SLC13A2: variants seen among roughly 807,000 people sequenced by gnomAD.
The protein encoded by SLC13A2 is Na(+)-coupled citrate transporter.
A neutral mutation model predicts 58.5 loss-of-function variants in SLC13A2; 40 were observed. That is an observed-to-expected ratio of 0.68 (90% CI 0.53 to 0.89). The LOEUF is 0.89. SLC13A2 is among the 40% of genes least tolerant of loss of function. The pLI is 0.00. For missense variants in SLC13A2, 694 were observed against 772.6 expected (o/e 0.90, Z 1.21); for synonymous variants, 341 against 331.6 (o/e 1.03, Z -0.31).
At chr17:28,474,356 G>A (rs782266265) in intron 1 of SLC13A2, among the ~76,000 whole-genome samples, 22 of 152,162 alleles carry the variant, frequency 1.4e-4, no homozygotes, top group Non-Finnish European at 2.8e-4. Flanking sequence ...AGAGGGGACC[G>A]CTGCAGGTAG....
At chr17:28,483,193 G>A (rs376980198) in intron 1 of SLC13A2, among the ~76,000 whole-genome samples, 3 of 152,316 alleles carry the variant, frequency 2.0e-5, no homozygotes. Flanking sequence ...ACACACCCCG[G>A]GTCCGGAGTC....
intron 1 of SLC13A2, among the ~76,000 whole-genome samples, chr17:28,477,512 GA>G (rs1197975129): frequency 2.0e-5 from 3 of 151,962 alleles, no homozygotes; most frequent in African/African-American, 7.2e-5. Flanking sequence ...CTTTTTGAAT[GA>G]AGAAAGGAAG....
At position 28,483,564 on chromosome 17, in the gene SLC13A2, G is replaced by A. The variant is rs191078692; in HGVS notation, c.103-5650G>A. ...AGGCAGGAGGATTACTTGAGGCCAG[G>A]AGATCGAGGCTGCAGTGAGCTGTGA... is the stretch of plus-strand genomic sequence containing the variant. On this transcript the variant is annotated intron_variant, in intron 1 of 11. Transcript: ENST00000314669. Among the ~76,000 whole-genome samples, 43 of 152,338 alleles carry A rather than the reference G, an allele frequency of 2.8e-4. No homozygotes were observed. In the South Asian group the frequency reaches 4.3e-3, roughly 15 times the overall value.
chr17:28,473,665 C>T lies in SLC13A2; in HGVS notation c.-48C>T, dbSNP rs782207375. On this transcript the variant is annotated 5_prime_UTR_variant, in exon 1 of 12. Transcript: ENST00000314669. The stretch of plus-strand genomic sequence containing the variant: ...GGCTGCATCTTTGGTCCTTCTGTTA[C>T]CCAGCTCCTGGAGGCAGTGGCTGTA... 1.4e-6 allele frequency: 2 copies of T among 1,460,126 alleles called. No individual in the cohort carries two copies. The highest frequency in any genetic ancestry group is 1.9e-6 in the Non-Finnish European group (2 of 1,046,414). 90.4% of individuals were successfully genotyped at this position (1,460,126 alleles called of 1,614,324 possible). A position where few individuals can be genotyped will look rare whatever the true frequency, so the allele number is the denominator to read the frequency against.
At position 28,489,228 on chromosome 17, in the gene SLC13A2, G is replaced by A. The variant is rs181965873; in HGVS notation, c.117G>A (p.Ala39=). 3.8e-5 allele frequency: 62 copies of A among 1,613,722 alleles called. No individual in the cohort carries two copies. The highest frequency in any genetic ancestry group is 4.0e-5 in the African/African-American group (3 of 75,036). ...CCCACCTGCAGGAGGCCTACTGCGC[G>A]TATGCCATCATCCTCATGGCGCTCT... ...ILVPSKEAYC[A]YAIILMALFW... The change falls in exon 2 of 12, where the codon GCG becomes GCA. Residue 39 remains alanine, a synonymous_variant. Transcript: ENST00000314669.
rs73276458 is a variant in SLC13A2, at chr17:28,495,212, A to G, written c.1309-443A>G. Among the ~76,000 whole-genome samples, 379 of 152,226 alleles carry G rather than the reference A, an allele frequency of 2.5e-3. 3 individuals are homozygous for G. The highest frequency in any genetic ancestry group is 8.5e-3 in the African/African-American group (355 of 41,546). On this transcript the variant is annotated intron_variant, in intron 9 of 11. Transcript: ENST00000314669. ...CCCTGTGGACTGTCCCTGTCCTCCCATTAGCCTCTTGCAGCCTCTGTCAGG... is the reference window on the plus strand; with the variant it reads ...CCCTGTGGACTGTCCCTGTCCTCCCGTTAGCCTCTTGCAGCCTCTGTCAGG...
In SLC13A2 at chr17:28,494,159, G is replaced by A; in HGVS notation, c.1186+54G>A. 2 of 1,545,310 alleles carry A rather than the reference G, an allele frequency of 1.3e-6. No homozygotes were observed. The highest frequency in any genetic ancestry group is 2.2e-5 in the South Asian group (2 of 89,450). On this transcript the variant is annotated intron_variant, in intron 8 of 11. Transcript: ENST00000314669. The surrounding 1 kb of genome is among the most constrained non-coding windows in gnomAD (Gnocchi z 4.0). ...GTCTCCGGGCAGCCCCTGCCTTCAA[G>A]TATGTAATGTACCTTCCACCACACT...
At position 28,497,258 on chromosome 17, in the gene SLC13A2, C is replaced by T; in HGVS notation, c.1768C>T (p.Pro590Ser). 6.2e-7 allele frequency: 1 copy of T among 1,613,864 alleles called. No individual in the cohort carries two copies. Among genetic ancestry groups the T allele is most frequent in the Admixed American group, 1.7e-5 (1 of 60,014 alleles). Residue 590 changes from proline (P) to serine (S), a missense_variant, in exon 12 of 12, where the codon CCA becomes TCA. Physicochemically the swap from Pro to Ser is moderately conservative, Grantham distance 74. Transcript: ENST00000314669. Reference sequence around the variant, plus strand: ...GCCAAGCCTGGCCAACACCACCACACCAAGCCCCTAGGCTGGGGCACAGCC... The same window carrying T: ...GCCAAGCCTGGCCAACACCACCACATCAAGCCCCTAGGCTGGGGCACAGCC... ...CLPSLANTTTPSP is the reference protein window; with the variant it reads ...CLPSLANTTTSSP
intron 9 of SLC13A2, among the ~76,000 whole-genome samples, chr17:28,495,430 C>T (rs2069120239): frequency 6.6e-6 from 1 of 152,174 alleles, no homozygotes; most frequent in Non-Finnish European, 1.5e-5. Context: ...CCTTTGGCCC[C>T]CTCCTAATTT....
rs1272939462 is a variant in SLC13A2, at chr17:28,497,206, A to G, written c.1716A>G (p.Ala572=). The change falls in exon 12 of 12, where the codon GCA becomes GCG. Residue 572 remains alanine, a synonymous_variant. Coordinates refer to ENST00000314669, the MANE Select transcript of SLC13A2 (RefSeq NM_003984.4). Reference sequence around the variant, plus strand: ...GCCTGCACTCTTTCCCCTCCTGGGCACAGTCCAACACCACAGCCCAGTGCC... The same window carrying G: ...GCCTGCACTCTTTCCCCTCCTGGGCGCAGTCCAACACCACAGCCCAGTGCC... ...LFSLHSFPSW[A]QSNTTAQCLP... 14 of 1,613,954 alleles carry G rather than the reference A, an allele frequency of 8.7e-6. No individual in the cohort carries two copies. The highest frequency in any genetic ancestry group is 1.2e-5 in the Non-Finnish European group (14 of 1,180,004).
chr17:28,486,791 CTTT>C (rs35840529), intron 1 of SLC13A2, among the ~76,000 whole-genome samples: 4,215 of 131,118 alleles, frequency 0.032, 219 homozygotes, highest in African/African-American at 0.11. Flanking sequence ...GCGAGTCTGA[CTTT>C]TTTTTTTTTT....
At chr17:28,475,421 A>G (rs1486777966) in intron 1 of SLC13A2, among the ~76,000 whole-genome samples, 6 of 152,220 alleles carry the variant, frequency 3.9e-5, no homozygotes, top group African/African-American at 1.2e-4. Context: ...TCACTCTCCT[A>G]CAAGATAAAT....
At chr17:28,484,673 A>C (rs1408392166) in intron 1 of SLC13A2, among the ~76,000 whole-genome samples, 1 of 152,184 alleles carries the variant, frequency 6.6e-6, no homozygotes, top group Non-Finnish European at 1.5e-5. Flanking sequence ...CAGGGTCAAG[A>C]GAGGAAGCTG....
At chr17:28,477,180 A>C (rs111492945) in intron 1 of SLC13A2, among the ~76,000 whole-genome samples, 53,547 of 130,462 alleles carry the variant, frequency 0.41, 11,304 homozygotes, top group African/African-American at 0.5. Flanking sequence ...AATAAAAAAC[A>C]CCCAAGTTTT....
In SLC13A2 at chr17:28,494,292, G is replaced by A. The variant is rs949299052; in HGVS notation, c.1187-99G>A. 23 of 1,603,784 alleles carry A rather than the reference G, an allele frequency of 1.4e-5. No individual in the cohort carries two copies. The highest frequency in any genetic ancestry group is 1.2e-4 in the Admixed American group (7 of 59,844). On this transcript the variant is annotated intron_variant, in intron 8 of 11. Coordinates refer to ENST00000314669, the MANE Select transcript of SLC13A2 (RefSeq NM_003984.4). The surrounding 1 kb of genome is among the most constrained non-coding windows in gnomAD (Gnocchi z 4.0). ...GAACTGAGGGTCCCCTCCTGCACGC[G>A]TTAAGCTCCAAAAGGGACCCACACA... is the stretch of plus-strand genomic sequence containing the variant.
At chr17:28,476,103 T>G (rs1169156196) in intron 1 of SLC13A2, among the ~76,000 whole-genome samples, 2 of 152,176 alleles carry the variant, frequency 1.3e-5, no homozygotes, top group African/African-American at 2.4e-5. Context: ...CCATCTACCT[T>G]GCTGCAACAG....
At chr17:28,480,775 C>G (rs185655672) in intron 1 of SLC13A2, among the ~76,000 whole-genome samples, 1 of 152,304 alleles carries the variant, frequency 6.6e-6, no homozygotes. Context: ...GTGTGGATAC[C>G]TCACTTCTTC....
At chr17:28,480,202 G>A (rs528027380) in intron 1 of SLC13A2, among the ~76,000 whole-genome samples, 8 of 151,602 alleles carry the variant, frequency 5.3e-5, no homozygotes, top group Non-Finnish European at 8.8e-5. Context: ...GCATGGTGGC[G>A]CGTGCCTGTG....
In SLC13A2 at chr17:28,493,733, G is replaced by A. The variant is rs1388080680; in HGVS notation, c.1041G>A (p.Glu347=). 9 of 1,614,138 alleles carry A rather than the reference G, an allele frequency of 5.6e-6. No homozygotes were observed. The highest frequency in any genetic ancestry group is 2.2e-5 in the East Asian group (1 of 44,896). The part of the protein sequence containing the change: ...VILVLLWFTR[E]PGFFLGWGNL... The stretch of plus-strand genomic sequence containing the variant: ...TGGTGCTGCTCTGGTTCACCCGGGA[G>A]CCGGGCTTTTTTCTTGGCTGGGGCA... Residue 347 remains glutamate (E), a synonymous_variant, in exon 7 of 12, where the codon GAG becomes GAA. Transcript: ENST00000314669.
Sources: allele counts gnomAD v4.1 joint callset (sites outside exome capture counted in the v4.1 genomes callset), GRCh38; gene constraint gnomAD v4.1.1; non-coding constraint Gnocchi (gnomAD v3.1); transcripts MANE v1.5; gene names NCBI Gene and HGNC (gene_info 2026-07-23, HGNC 2026-07-21).